Variants in FGF12 observed in about 807,000 individuals in gnomAD.
FGF12 encodes the protein fibroblast growth factor 12B.
Under a neutral mutation model 23.6 loss-of-function variants are expected in FGF12, and 14 were observed. The observed-to-expected ratio is 0.59, with a 90% CI of 0.39 to 0.93. The LOEUF (loss-of-function observed/expected upper bound fraction) is 0.93. FGF12 is among the 40% of genes least tolerant of loss of function. The pLI, the probability that FGF12 is intolerant of heterozygous loss-of-function variation, is 0.00. For synonymous variants in FGF12, 62 were observed against 77.3 expected (o/e 0.80, Z 1.04); for missense variants, 175 against 217.8 (o/e 0.80, Z 1.24).
intron 2 of FGF12, among the ~76,000 whole-genome samples, chr3:192,511,788 T>C (rs1021340740): frequency 6.6e-6 from 1 of 152,118 alleles, no homozygotes; most frequent in Non-Finnish European, 1.5e-5. Context: ...TTGTCTGAGA[T>C]TGTCCTCCAT....
rs884309 is a variant in FGF12, at chr3:192,409,198, G to C, written c.14-48660C>G. On this transcript the variant is annotated intron_variant, in intron 2 of 5. Transcript: ENST00000445105. The surrounding 1 kb of genome is among the most constrained non-coding windows in gnomAD (Gnocchi z 4.8). Reference sequence around the variant, plus strand: ...CTCTTTCTCTTTCCGCTTGCTTTCCGGCACGAGACGGGCACAGTTGGTGAT... The same window carrying C: ...CTCTTTCTCTTTCCGCTTGCTTTCCCGCACGAGACGGGCACAGTTGGTGAT... The C allele has an allele frequency of 6.5e-6, 1 of 154,468 alleles. No homozygotes were observed. Among genetic ancestry groups the C allele is most frequent in the Non-Finnish European group, 1.4e-5 (1 of 70,178 alleles). The allele number at this position is 154,468 out of a possible 1,614,324, so 9.6% of individuals were successfully genotyped here.
chr3:192,309,571 C>A (rs2108669968), intron 4 of FGF12, among the ~76,000 whole-genome samples: 1 of 152,104 alleles, frequency 6.6e-6, no homozygotes, highest in African/African-American at 2.4e-5. Flanking sequence ...AAGCAGAAAG[C>A]TATGGAAGAA....
intron 2 of FGF12, among the ~76,000 whole-genome samples, chr3:192,473,479 G>T (rs549385041): frequency 1.3e-5 from 2 of 152,222 alleles, no homozygotes; most frequent in South Asian, 2.1e-4. Flanking sequence ...TATTTAGCTG[G>T]TTACACTCTA....
chr3:192,485,223 T>C (rs1282629734), intron 2 of FGF12, among the ~76,000 whole-genome samples: 1 of 152,204 alleles, frequency 6.6e-6, no homozygotes, highest in East Asian at 1.9e-4. Context: ...ATGACTTTAT[T>C]GACTTTATGG....
At chr3:192,566,344 A>G (rs1712278917) in intron 2 of FGF12, among the ~76,000 whole-genome samples, 1 of 152,252 alleles carries the variant, frequency 6.6e-6, no homozygotes, top group African/African-American at 2.4e-5. Flanking sequence ...GCAAGATAAA[A>G]GAAAAATAAG....
chr3:192,530,287 G>T (rs570120816), intron 2 of FGF12, among the ~76,000 whole-genome samples: 1 of 152,206 alleles, frequency 6.6e-6, no homozygotes, highest in South Asian at 2.1e-4. Context: ...TTCTTTCAGT[G>T]GTTTTCATGT....
chr3:192,653,183 G>C (rs569349919), intron 2 of FGF12, among the ~76,000 whole-genome samples: 1 of 152,166 alleles, frequency 6.6e-6, no homozygotes, highest in Non-Finnish European at 1.5e-5. Flanking sequence ...TGCAGTCTTT[G>C]GGTTTGGCTT....
At chr3:192,495,991 A>AGG (rs1723944535) in intron 2 of FGF12, among the ~76,000 whole-genome samples, 1 of 152,188 alleles carries the variant, frequency 6.6e-6, no homozygotes, top group Non-Finnish European at 1.5e-5. Context: ...ACAGGAAACC[A>AGG]TTTGTTAAAA....
intron 2 of FGF12, among the ~76,000 whole-genome samples, chr3:192,433,372 C>T (rs1348858558): frequency 1.3e-5 from 2 of 152,162 alleles, no homozygotes; most frequent in Non-Finnish European, 2.9e-5. Context: ...ACTTGGGAAA[C>T]TCTCCTTAAA....
chr3:192,293,360 T>A (rs947555260), intron 4 of FGF12, among the ~76,000 whole-genome samples: 6 of 152,202 alleles, frequency 3.9e-5, no homozygotes, highest in African/African-American at 1.4e-4. Flanking sequence ...AGTGTATGTA[T>A]CTGGAGATTT....
intron 4 of FGF12, among the ~76,000 whole-genome samples, chr3:192,213,839 C>T (rs1175029637): frequency 1.3e-5 from 2 of 152,304 alleles, no homozygotes; most frequent in Middle Eastern, 6.8e-3. Context: ...ATTGGATCTT[C>T]GTGGCCCATT....
intron 2 of FGF12, among the ~76,000 whole-genome samples, chr3:192,609,666 TAA>T (rs199575314): frequency 0.014 from 2,136 of 152,200 alleles, 24 homozygotes; most frequent in South Asian, 0.043. Flanking sequence ...CAAGAACCCG[TAA>T]AATAGTTGTT....
At chr3:192,534,755 G>T (rs1725185475) in intron 2 of FGF12, among the ~76,000 whole-genome samples, 1 of 152,118 alleles carries the variant, frequency 6.6e-6, no homozygotes, top group Non-Finnish European at 1.5e-5. Flanking sequence ...ACAATTAAGA[G>T]TGGCTGATAA....
At chr3:192,158,362 CTTTCTTTCTTTCTTTCTTTCT>C (rs1560171374) in intron 5 of FGF12, among the ~76,000 whole-genome samples, 31 of 106,866 alleles carry the variant, frequency 2.9e-4, no homozygotes, top group Non-Finnish European at 5.1e-4. Context: ...TTCTTTCTTT[CTTTCTTTCTTTCTTTCTTTCT>C]TTTCTTTCTC....
Position 192,395,554 on chromosome 3 carries a change from C to T in FGF12, c.14-35016G>A, listed in dbSNP as rs867155819. On this transcript the variant is annotated intron_variant, in intron 2 of 5. Transcript: ENST00000445105. ...CATTAGTCACCAATGGAATTAATTTCGTTTTGATGAATTATTTCTGATCAC... is the reference window on the plus strand; with the variant it reads ...CATTAGTCACCAATGGAATTAATTTTGTTTTGATGAATTATTTCTGATCAC... Among the ~76,000 whole-genome samples the T allele has an allele frequency of 9.8e-5, 15 of 152,286 alleles. No individual in the cohort carries two copies. The Middle Eastern group carries it at 0.017, about 173-fold the overall frequency.
At chr3:192,377,775 T>C (rs930439846) in intron 2 of FGF12, among the ~76,000 whole-genome samples, 1 of 152,138 alleles carries the variant, frequency 6.6e-6, no homozygotes, top group African/African-American at 2.4e-5. Context: ...AGGCAGCTTA[T>C]TAGTTTATGT....
At chr3:192,538,265 C>T (rs61601200) in intron 2 of FGF12, among the ~76,000 whole-genome samples, 40,439 of 151,404 alleles carry the variant, frequency 0.27, 5,628 homozygotes, top group Middle Eastern at 0.43. Context: ...CGTTTTTTTT[C>T]TTTTGTTTTG....
chr3:192,386,973 T>C (rs2710777), intron 2 of FGF12, among the ~76,000 whole-genome samples: 149,663 of 152,338 alleles, frequency 0.98, 73,537 homozygotes, highest in East Asian at 1. Flanking sequence ...GTCTGTTGCT[T>C]CCTTACCTAG....
intron 4 of FGF12, among the ~76,000 whole-genome samples, chr3:192,247,673 C>T (rs1711712475): frequency 6.6e-6 from 1 of 152,074 alleles, no homozygotes. Flanking sequence ...GATTCTACCA[C>T]TTTTAATAAG....
Sources: allele counts gnomAD v4.1 joint callset (sites outside exome capture counted in the v4.1 genomes callset), GRCh38; gene constraint gnomAD v4.1.1; non-coding constraint Gnocchi (gnomAD v3.1); transcripts MANE v1.5; gene names NCBI Gene and HGNC (gene_info 2026-07-23, HGNC 2026-07-21).